The following ZC3HAV1 variants were observed in gnomAD, a reference collection of about 807,000 sequenced individuals.
ZC3HAV1 encodes the protein zinc finger CCCH-type antiviral protein 1.
Under a neutral mutation model 86.6 loss-of-function variants are expected in ZC3HAV1, and 41 were observed. The ratio of observed to expected loss-of-function variants is 0.47; its 90% CI spans 0.37 to 0.61. The LOEUF (loss-of-function observed/expected upper bound fraction) is 0.61, where lower values mean the gene tolerates loss of function less well. ZC3HAV1 is among the 20% of genes least tolerant of loss of function. The pLI is 0.00. For missense variants in ZC3HAV1, 964 were observed against 1,141.1 expected (o/e 0.84, Z 2.24); for synonymous variants, 421 against 432.1 (o/e 0.97, Z 0.32).
chr7:139,097,521 A>C (rs1449075519), intron 1 of ZC3HAV1, among the ~76,000 whole-genome samples: 1 of 140,304 alleles, frequency 7.1e-6, no homozygotes, highest in Non-Finnish European at 1.5e-5. Context: ...TGCAAGCTCC[A>C]CCTCCTGGGT....
intron 3 of ZC3HAV1, among the ~76,000 whole-genome samples, chr7:139,081,151 C>T (rs530734468): frequency 4.6e-5 from 7 of 151,714 alleles, no homozygotes; most frequent in Non-Finnish European, 1.0e-4. Context: ...CGTGCATGCA[C>T]GTGATGTTTA....
intron 3 of ZC3HAV1, 74 bp downstream of exon 3, chr7:139,083,706 G>T: frequency 1.4e-6 from 2 of 1,472,892 alleles, no homozygotes; most frequent in South Asian, 1.4e-5. Flanking sequence ...CAGCTTGGGT[G>T]ACAGAGAGAG....
At chr7:139,085,077 C>T (rs2130713183) in intron 2 of ZC3HAV1, among the ~76,000 whole-genome samples, 1 of 152,350 alleles carries the variant, frequency 6.6e-6, no homozygotes, top group East Asian at 1.9e-4. Flanking sequence ...GTCCCCGGAC[C>T]AGCACCATCA....
intron 4 of ZC3HAV1, chr7:139,079,043 G>C: frequency 6.6e-7 from 1 of 1,525,702 alleles, no homozygotes; most frequent in Non-Finnish European, 8.8e-7. Context: ...AAAACCACCA[G>C]CCATAGCCAC....
intron 7 of ZC3HAV1, among the ~76,000 whole-genome samples, chr7:139,071,752 C>G (rs575599119): frequency 2.5e-4 from 38 of 152,338 alleles, no homozygotes; most frequent in Non-Finnish European, 4.0e-4. Flanking sequence ...CAGGAGACAG[C>G]TCTGAGCCCA....
In ZC3HAV1 at chr7:139,043,826, ATCTGACCTAT is replaced by A. The variant is rs1160792852; in HGVS notation, c.*3758_*3767del. On this transcript the variant is annotated 3_prime_UTR_variant, in exon 13 of 13. Coordinates refer to ENST00000242351, the MANE Select transcript of ZC3HAV1 (RefSeq NM_020119.4). ...AAAATAAGGGGTTTGGGAGGCCAAG[ATCTGACCTAT>A]TCTGTAGAAGGACTCCTTAGGAAAG... 8 of 152,330 alleles carry A rather than the reference ATCTGACCTAT, an allele frequency of 5.3e-5. No homozygotes were observed. The East Asian group carries it at 1.3e-3, about 26-fold the overall frequency. The allele number at this position is 152,330 out of a possible 1,614,324, so 9.4% of individuals were successfully genotyped here.
chr7:139,085,394 A>C (rs937993344), intron 2 of ZC3HAV1, among the ~76,000 whole-genome samples: 1 of 152,248 alleles, frequency 6.6e-6, no homozygotes, highest in Non-Finnish European at 1.5e-5. Context: ...TTTATATATC[A>C]GGCAGTCAGG....
chr7:139,085,799 G>A (rs896793919), intron 2 of ZC3HAV1, among the ~76,000 whole-genome samples: 1 of 152,076 alleles, frequency 6.6e-6, no homozygotes, highest in Admixed American at 6.6e-5. Context: ...GATCACCTGA[G>A]GTCAGGAGTT....
intron 3 of ZC3HAV1, among the ~76,000 whole-genome samples, chr7:139,083,491 G>T (rs1817186271): frequency 6.6e-6 from 1 of 152,096 alleles, no homozygotes; most frequent in Non-Finnish European, 1.5e-5. Context: ...CACTTTGAAA[G>T]GCTGAGGCAG....
chr7:139,096,131 C>T (rs7811344), intron 1 of ZC3HAV1, among the ~76,000 whole-genome samples: 38,057 of 152,014 alleles, frequency 0.25, 5,030 homozygotes, highest in East Asian at 0.42. Context: ...TCTCCTGCCT[C>T]AGCCTCCCGA....
At chr7:139,102,675 T>C (rs1817807484) in intron 1 of ZC3HAV1, among the ~76,000 whole-genome samples, 1 of 151,542 alleles carries the variant, frequency 6.6e-6, no homozygotes, top group Non-Finnish European at 1.5e-5. Context: ...GAGGAATGCT[T>C]GAGCCCAGGC....
intron 9 of ZC3HAV1, among the ~76,000 whole-genome samples, chr7:139,057,053 A>G (rs891527447): frequency 7.9e-5 from 12 of 152,110 alleles, no homozygotes; most frequent in African/African-American, 2.9e-4. Flanking sequence ...ATTCCAGCAA[A>G]AGAAAAAAAG....
Position 139,108,967 on chromosome 7 carries a change from G to A in ZC3HAV1, c.308+57C>T, listed in dbSNP as rs1032206651. 2.7e-6 allele frequency: 4 copies of A among 1,490,984 alleles called. No homozygotes were observed. The African/African-American group carries it at 4.2e-5, about 15-fold the overall frequency. 92.4% of individuals were successfully genotyped at this position (1,490,984 alleles called of 1,614,324 possible). A position where few individuals can be genotyped will look rare whatever the true frequency, so the allele number is the denominator to read the frequency against. On this transcript the variant is annotated intron_variant, in intron 1 of 12. Transcript: ENST00000242351. This position sits in a 1 kb window ranked among gnomAD's most constrained non-coding sequence, Gnocchi z 4.2. The stretch of plus-strand genomic sequence containing the variant: ...GCCCCTCCCAGAACATTGCCCGCCT[G>A]GACAGTCCACCCCGACCACGGCTGC...
intron 12 of ZC3HAV1, among the ~76,000 whole-genome samples, chr7:139,050,660 G>A (rs7783317): frequency 0.023 from 3,527 of 152,206 alleles, 64 homozygotes; most frequent in African/African-American, 0.053. Flanking sequence ...ATGAGCCACA[G>A]TGCCTAGCCT....
intron 7 of ZC3HAV1, among the ~76,000 whole-genome samples, chr7:139,069,496 T>A (rs971721494): frequency 3.9e-5 from 6 of 152,098 alleles, no homozygotes; most frequent in African/African-American, 1.4e-4. Context: ...GGTAAACATC[T>A]TCGAGGACCT....
At chr7:139,052,698 G>A (rs1009065215) in intron 12 of ZC3HAV1, among the ~76,000 whole-genome samples, 10 of 151,664 alleles carry the variant, frequency 6.6e-5, no homozygotes, top group Non-Finnish European at 7.4e-5. Flanking sequence ...CAAGGTAGGC[G>A]GATTATTTGA....
Position 139,080,150 on chromosome 7 carries a change from GC to G in ZC3HAV1, c.790del (p.Ala264LeufsTer68). On this transcript the variant is annotated frameshift_variant, in exon 4 of 13. Transcript: ENST00000242351. LOFTEE classifies it high-confidence loss of function. ...GCAGGACCTCTCAGCAGACGCTGAA[GC>G]AGACGCAAGAAATTCTTGGCTGCCC... is the stretch of plus-strand genomic sequence containing the variant. ...FQGSQEFLAS[A>X]SASAERSCTP... The G allele has an allele frequency of 6.2e-7, 1 of 1,614,190 alleles. No homozygotes were observed. Among genetic ancestry groups the G allele is most frequent in the Non-Finnish European group, 8.5e-7 (1 of 1,180,040 alleles).
rs972482459 is a variant in ZC3HAV1 at position 139,044,438 on chromosome 7, A to T, written c.*3156T>A. ...TAATGAAATTCATCTTCTTTTCATT[A>T]TAAATTTCTTCTTTTCTATTTCTCC... On this transcript the variant is annotated 3_prime_UTR_variant, in exon 13 of 13. Coordinates refer to ENST00000242351, the MANE Select transcript of ZC3HAV1 (RefSeq NM_020119.4). 6.6e-5 allele frequency: 10 copies of T among 152,218 alleles called. No individual in the cohort carries two copies. Among genetic ancestry groups the T allele is most frequent in the African/African-American group, 2.4e-4 (10 of 41,456 alleles). 9.4% of individuals were successfully genotyped at this position (152,218 alleles called of 1,614,324 possible). A position where few individuals can be genotyped will look rare whatever the true frequency, so the allele number is the denominator to read the frequency against.
chr7:139,056,751 G>A (rs1371702084), intron 9 of ZC3HAV1, among the ~76,000 whole-genome samples: 1 of 152,030 alleles, frequency 6.6e-6, no homozygotes, highest in African/African-American at 2.4e-5. Flanking sequence ...AAGTAGAGGA[G>A]GGGAAACTGT....
Sources: allele counts gnomAD v4.1 joint callset (sites outside exome capture counted in the v4.1 genomes callset), GRCh38; gene constraint gnomAD v4.1.1; non-coding constraint Gnocchi (gnomAD v3.1); transcripts MANE v1.5; gene names NCBI Gene and HGNC (gene_info 2026-07-23, HGNC 2026-07-21).